The following SORBS2 variants were observed in gnomAD, a reference collection of about 807,000 sequenced individuals.
The protein encoded by SORBS2 is sorbin and SH3 domain-containing protein 2.
In SORBS2, 46 loss-of-function variants were observed where a neutral mutation model predicts 97.7. The observed-to-expected ratio is 0.47, with a 90% CI of 0.37 to 0.60. SORBS2 has a LOEUF of 0.60. Among genes scored for constraint, SORBS2 ranks in the 20% least tolerant of loss-of-function variants. SORBS2 has a pLI of 0.00. For synonymous variants in SORBS2, 476 were observed against 473.4 expected (o/e 1.01, Z -0.07); for missense variants, 1,316 against 1,282.3 (o/e 1.03, Z -0.40).
chr4:185,868,114 T>C (rs181959122), intron 1 of SORBS2, among the ~76,000 whole-genome samples: 1,769 of 151,010 alleles, frequency 0.012, 25 homozygotes, highest in Non-Finnish European at 0.02. Context: ...AAATAGAAAT[T>C]AAAAGCTTCT....
At chr4:185,896,790 TC>T (rs759504402) in intron 1 of SORBS2, among the ~76,000 whole-genome samples, 1 of 150,996 alleles carries the variant, frequency 6.6e-6, no homozygotes, top group African/African-American at 2.4e-5. Context: ...TGGAGGAGGC[TC>T]CACTGGGAAA....
At chr4:185,833,092 A>G (rs2099206012) in intron 1 of SORBS2, among the ~76,000 whole-genome samples, 1 of 152,190 alleles carries the variant, frequency 6.6e-6, no homozygotes, top group African/African-American at 2.4e-5. Flanking sequence ...CATTTTCTTC[A>G]TATGTGGTCT....
chr4:185,894,953 C>G (rs943276460), intron 1 of SORBS2, among the ~76,000 whole-genome samples: 14 of 152,336 alleles, frequency 9.2e-5, no homozygotes, highest in Non-Finnish European at 5.9e-5. Flanking sequence ...CCTCCTGACA[C>G]CCCGGCTGGG....
At chr4:185,806,688 G>C (rs1334555176) in intron 1 of SORBS2, among the ~76,000 whole-genome samples, 1 of 151,914 alleles carries the variant, frequency 6.6e-6, no homozygotes, top group Non-Finnish European at 1.5e-5. Flanking sequence ...TCGATCTCCT[G>C]ACCTCGTGAT....
At chr4:185,763,857 C>A (rs2098918926) in intron 2 of SORBS2, among the ~76,000 whole-genome samples, 1 of 152,180 alleles carries the variant, frequency 6.6e-6, no homozygotes, top group South Asian at 2.1e-4. Context: ...TGTCTACCAG[C>A]TTTCGCATTT....
In SORBS2 at chr4:185,690,559, T is replaced by A. The variant is rs1243218036; in HGVS notation, c.-197-11737A>T. ...AAGAGTTTAAAACTAACAGACAGCA[T>A]ACCTGTGTTCATTTTCACCTTGGAG... On this transcript the variant is annotated intron_variant, in intron 2 of 20. Coordinates refer to the SORBS2 transcript ENST00000284776. The A allele has an allele frequency of 4.6e-6, 7 of 1,524,558 alleles. No homozygotes were observed. Among genetic ancestry groups the A allele is most frequent in the African/African-American group, 2.8e-5 (2 of 72,580 alleles). 94.4% of individuals were successfully genotyped at this position (1,524,558 alleles called of 1,614,324 possible).
At chr4:185,864,057 T>G (rs2099225417) in intron 1 of SORBS2, among the ~76,000 whole-genome samples, 1 of 152,248 alleles carries the variant, frequency 6.6e-6, no homozygotes, top group African/African-American at 2.4e-5. Context: ...ATGCAATGGC[T>G]AACTCTTGTG....
Position 185,623,653 on chromosome 4 carries a change from C to T in SORBS2, c.1476G>A (p.Gln492=). 6.2e-7 allele frequency: 1 copy of T among 1,614,100 alleles called. No individual in the cohort carries two copies. The highest frequency in any genetic ancestry group is 8.5e-7 in the Non-Finnish European group (1 of 1,180,034). Reference sequence around the variant, plus strand: ...CGGAAAACTCCACGTGTGCTCGGGGCTGCTCATCGCTGGTGACTTCAATGT... The same window carrying T: ...CGGAAAACTCCACGTGTGCTCGGGGTTGCTCATCGCTGGTGACTTCAATGT... The change falls in exon 7 of 15, where the codon CAG becomes CAA. Residue 492 remains glutamine, a synonymous_variant. Coordinates refer to ENST00000418609, the Ensembl canonical transcript of SORBS2. The surrounding 1 kb of genome is among the most constrained non-coding windows in gnomAD (Gnocchi z 6.4).
rs532847806 is a variant in SORBS2 at position 185,630,813 on chromosome 4, T to C, written c.397-215A>G. Among the ~76,000 whole-genome samples the C allele has an allele frequency of 1.3e-4, 20 of 152,344 alleles. 1 individual carries two copies. In the South Asian group the frequency reaches 3.9e-3, roughly 30 times the overall value. On this transcript the variant is annotated intron_variant, in intron 4 of 14. Transcript: ENST00000418609. ...TGCTTTCCCTTCTGATATAATGCAT[T>C]GCAGTTCTCTGTGTAGCTCAAATTA...
intron 1 of SORBS2, among the ~76,000 whole-genome samples, chr4:185,806,504 C>T (rs1474413515): frequency 8.3e-6 from 1 of 120,690 alleles, no homozygotes; most frequent in Non-Finnish European, 1.6e-5. Flanking sequence ...GTCGCCCAGG[C>T]TGGAGTGCAG....
At chr4:185,780,512 T>G (rs2099023345) in intron 1 of SORBS2, among the ~76,000 whole-genome samples, 1 of 151,928 alleles carries the variant, frequency 6.6e-6, no homozygotes, top group South Asian at 2.1e-4. Flanking sequence ...GCCCATACAT[T>G]GAGTGACTTT....
At chr4:185,640,544 T>G (rs983251833) in intron 4 of SORBS2, among the ~76,000 whole-genome samples, 1 of 152,228 alleles carries the variant, frequency 6.6e-6, no homozygotes, top group African/African-American at 2.4e-5. Flanking sequence ...GGTTTACACC[T>G]CAGAAGTAAT....
chr4:185,880,659 T>C (rs2099236380), intron 1 of SORBS2, among the ~76,000 whole-genome samples: 1 of 152,246 alleles, frequency 6.6e-6, no homozygotes, highest in African/African-American at 2.4e-5. Context: ...AAGTTTCTCC[T>C]TGATATTTTC....
chr4:185,782,402 T>C (rs955283681), intron 1 of SORBS2, among the ~76,000 whole-genome samples: 1 of 152,266 alleles, frequency 6.6e-6, no homozygotes, highest in Non-Finnish European at 1.5e-5. Context: ...CTTGCATTCA[T>C]ATATCATATT....
chr4:185,818,876 C>T (rs1464275710), intron 1 of SORBS2, among the ~76,000 whole-genome samples: 1 of 151,828 alleles, frequency 6.6e-6, no homozygotes, highest in African/African-American at 2.4e-5. Context: ...AGTAGCATGA[C>T]AAATCATTCC....
chr4:185,948,368 C>T (rs1261389590), intron 1 of SORBS2, among the ~76,000 whole-genome samples: 1 of 152,124 alleles, frequency 6.6e-6, no homozygotes. Flanking sequence ...TATACATTAG[C>T]CCTCCCAATT....
intron 1 of SORBS2, among the ~76,000 whole-genome samples, chr4:185,912,985 C>T (rs1266745996): frequency 3.4e-5 from 5 of 148,042 alleles, no homozygotes; most frequent in Admixed American, 6.9e-5. Flanking sequence ...GGATGATGAA[C>T]ATTTTGTAAT....
chr4:185,619,343 TC>T (rs2096676354), intron 8 of SORBS2, among the ~76,000 whole-genome samples: 1 of 152,148 alleles, frequency 6.6e-6, no homozygotes, highest in Non-Finnish European at 1.5e-5. Flanking sequence ...TTCACTCCAT[TC>T]TTTTCCCCCA....
At chr4:185,943,552 T>C (rs2150006312) in intron 1 of SORBS2, among the ~76,000 whole-genome samples, 1 of 152,324 alleles carries the variant, frequency 6.6e-6, no homozygotes, top group African/African-American at 2.4e-5. Flanking sequence ...ATCCTCACTG[T>C]GGGACGTTTT....
Sources: allele counts gnomAD v4.1 joint callset (sites outside exome capture counted in the v4.1 genomes callset), GRCh38; gene constraint gnomAD v4.1.1; non-coding constraint Gnocchi (gnomAD v3.1); transcripts MANE v1.5; gene names NCBI Gene and HGNC (gene_info 2026-07-23, HGNC 2026-07-21).